Variants in GGT7 observed in about 807,000 individuals in gnomAD.
GGT7 encodes the protein gamma-glutamyltransferase 7.
In GGT7, 30 loss-of-function variants were observed where a neutral mutation model predicts 69.2. The observed-to-expected ratio is 0.43, with a 90% CI of 0.32 to 0.59. GGT7 has a LOEUF of 0.59. Ranked by LOEUF, GGT7 falls within the 20% of genes least tolerant of loss-of-function variation. The pLI is 0.05. For missense variants in GGT7, 733 were observed against 901.1 expected, an observed-to-expected ratio of 0.81 and a Z score of 2.39; for synonymous variants, 388 against 391.8, an observed-to-expected ratio of 0.99 and a Z score of 0.12.
At chr20:34,855,720 A>G (rs975163944) in intron 8 of GGT7, among the ~76,000 whole-genome samples, 1 of 152,160 alleles carries the variant, frequency 6.6e-6, no homozygotes, top group African/African-American at 2.4e-5. Flanking sequence ...TGTTCAAGGT[A>G]AATGGCACAG....
chr20:34,851,092 A>T, intron 13 of GGT7, 139 bp downstream of exon 13: 2 of 1,027,738 alleles, frequency 1.9e-6, no homozygotes, highest in South Asian at 2.7e-5. Flanking sequence ...ATTGCCCAGG[A>T]TGCGCCTGGC....
intron 7 of GGT7, among the ~76,000 whole-genome samples, chr20:34,859,044 C>T (rs943518975): frequency 2.6e-5 from 4 of 152,128 alleles, no homozygotes; most frequent in Non-Finnish European, 4.4e-5. Flanking sequence ...GTGGTGCACA[C>T]CTGTAATCCC....
At chr20:34,871,668 C>G (rs1298015527) in intron 1 of GGT7, among the ~76,000 whole-genome samples, 1 of 152,188 alleles carries the variant, frequency 6.6e-6, no homozygotes, top group Non-Finnish European at 1.5e-5. Flanking sequence ...TAGGGAAGGG[C>G]CAAGCCGGAA....
At chr20:34,846,290 C>T (rs1357029859) in intron 14 of GGT7, among the ~76,000 whole-genome samples, 3 of 117,468 alleles carry the variant, frequency 2.6e-5, no homozygotes, top group African/African-American at 7.3e-5. Context: ...CTCCCTCCCT[C>T]CCTTCCTTTC....
intron 6 of GGT7, 124 bp from the exon 7 acceptor site, chr20:34,859,763 T>A: frequency 1.1e-6 from 1 of 876,504 alleles, no homozygotes; most frequent in Non-Finnish European, 1.7e-6. Context: ...CCCAGGAGCC[T>A]GTTAAGTGCG....
Position 34,859,615 on chromosome 20 carries a change from G to A in GGT7, c.842C>T (p.Pro281Leu), listed in dbSNP as rs1301473433. ...CCGGAAGCGCTCGGACATGTTGGGTGGCAGCTGTTCAGCCAGGGCACGGGC... is the reference window on the plus strand; with the variant it reads ...CCGGAAGCGCTCGGACATGTTGGGTAGCAGCTGTTCAGCCAGGGCACGGGC... The part of the protein sequence containing the change: ...DLARALAEQL[P>L]PNMSERFRET... Residue 281 changes from proline to leucine, a missense_variant, in exon 7 of 15, where the codon CCA (proline) becomes CTA (leucine). Physicochemically the swap from Pro to Leu is moderately conservative, Grantham distance 98. Transcript: ENST00000336431. 1 of 1,599,170 alleles carries A rather than the reference G, an allele frequency of 6.3e-7. No homozygotes were observed. The highest frequency in any genetic ancestry group is 1.7e-5 in the Admixed American group (1 of 58,474).
chr20:34,846,081 A>G (rs894263619), intron 14 of GGT7, among the ~76,000 whole-genome samples: 14 of 148,020 alleles, frequency 9.5e-5, no homozygotes, highest in African/African-American at 3.2e-4. Flanking sequence ...AAGAAAAGAA[A>G]GAAAATGGAA....
Position 34,859,659 on chromosome 20 carries a change from G to A in GGT7, c.818-20C>T, listed in dbSNP as rs1320261175. ...CACGGGCTAGGGGCAGGGACGGGAG[G>A]CTGGGCAGGGCGGGACGCCAGGACT... On this transcript the variant is annotated intron_variant, in intron 6 of 14. Coordinates refer to ENST00000336431, the MANE Select transcript of GGT7 (RefSeq NM_178026.3). The A allele has an allele frequency of 1.9e-6, 3 of 1,559,998 alleles. No individual in the cohort carries two copies. The Admixed American group carries it at 5.5e-5, about 28-fold the overall frequency.
chr20:34,856,845 T>C lies in GGT7; in HGVS notation c.1063A>G (p.Ser355Gly). 1 of 1,612,450 alleles carries C rather than the reference T, an allele frequency of 6.2e-7. No individual in the cohort carries two copies. The highest frequency in any genetic ancestry group is 8.5e-7 in the Non-Finnish European group (1 of 1,178,750). ...VITEEDFSNY[S>G]ALVEKPVCGV... The stretch of plus-strand genomic sequence containing the variant: ...CACACAGGCTTCTCCACAAGGGCGC[T>C]GTAATTGCTGAAGTCCTCTTCGGTT... The change falls in exon 8 of 15, where the codon AGC (serine) becomes GGC (glycine). Residue 355 changes from serine to glycine, a missense_variant. By Grantham distance (56) the Ser-to-Gly change is moderately conservative. Coordinates refer to ENST00000336431, the MANE Select transcript of GGT7 (RefSeq NM_178026.3).
At chr20:34,856,525 C>T (rs2079493834) in intron 8 of GGT7, among the ~76,000 whole-genome samples, 1 of 152,284 alleles carries the variant, frequency 6.6e-6, no homozygotes, top group African/African-American at 2.4e-5. Flanking sequence ...CAACACAGAG[C>T]CCAAATCAAG....
chr20:34,845,846 G>A (rs2079296594), intron 14 of GGT7, among the ~76,000 whole-genome samples: 1 of 152,080 alleles, frequency 6.6e-6, no homozygotes, highest in African/African-American at 2.4e-5. Flanking sequence ...GATCACTTGA[G>A]CCCAGGAGTT....
rs368662663 is a variant in GGT7 at position 34,859,628 on chromosome 20, C to T, written c.829G>A (p.Ala277Thr). The T allele has an allele frequency of 6.9e-6, 11 of 1,596,018 alleles. No homozygotes were observed. The African/African-American group carries it at 1.3e-4, about 19-fold the overall frequency. Reference sequence around the variant, plus strand: ...GACATGTTGGGTGGCAGCTGTTCAGCCAGGGCACGGGCTAGGGGCAGGGAC... The same window carrying T: ...GACATGTTGGGTGGCAGCTGTTCAGTCAGGGCACGGGCTAGGGGCAGGGAC... ...NVTHDLARAL[A>T]EQLPPNMSER... Residue 277 changes from alanine to threonine, a missense_variant, in exon 7 of 15, where the codon GCT (alanine) becomes ACT (threonine). Ala to Thr is a moderately conservative substitution (Grantham distance 58). Transcript: ENST00000336431.
chr20:34,854,717 G>C, intron 9 of GGT7, 79 bp downstream of exon 9: 1 of 1,598,054 alleles, frequency 6.3e-7, no homozygotes, highest in Admixed American at 1.7e-5. Flanking sequence ...AGGGGATTTA[G>C]TCCTGCCCTA....
intron 1 of GGT7, among the ~76,000 whole-genome samples, chr20:34,864,170 G>A (rs556051889): frequency 2.9e-4 from 44 of 152,310 alleles, no homozygotes; most frequent in African/African-American, 1.1e-3. Context: ...GGTGGTAGGG[G>A]AGGGAGGATT....
At chr20:34,850,769 A>T (rs1022203690) in intron 13 of GGT7, 1 of 477,512 alleles carries the variant, frequency 2.1e-6, no homozygotes, top group South Asian at 1.5e-5. Context: ...AGAACTTAAG[A>T]TCGTTAACTC....
rs774636144 is a variant in GGT7 at position 34,852,279 on chromosome 20, G to C, written c.1470-7C>G. 1 of 1,608,998 alleles carries C rather than the reference G, an allele frequency of 6.2e-7. No individual in the cohort carries two copies. The highest frequency in any genetic ancestry group is 1.1e-5 in the South Asian group (1 of 90,978). Reference sequence around the variant, plus strand: ...AAAGGGCTGGTTCAGGGAGCTGGGGGCCGAGGTGGGGTTGGGTGAGCCCTG... The same window carrying C: ...AAAGGGCTGGTTCAGGGAGCTGGGGCCCGAGGTGGGGTTGGGTGAGCCCTG... On this transcript the variant is annotated splice_polypyrimidine_tract_variant and splice_region_variant and intron_variant, in intron 11 of 14. Coordinates refer to ENST00000336431, the MANE Select transcript of GGT7 (RefSeq NM_178026.3).
chr20:34,869,650 T>G (rs772121233), intron 1 of GGT7, among the ~76,000 whole-genome samples: 2 of 151,980 alleles, frequency 1.3e-5, no homozygotes, highest in African/African-American at 2.4e-5. Context: ...TGAGTAGGAA[T>G]TTGGAAGATA....
rs2079633342 is a variant in GGT7, at chr20:34,863,424, G to A, written c.294C>T (p.Ala98=). The A allele has an allele frequency of 1.9e-6, 3 of 1,613,558 alleles. No individual in the cohort carries two copies. Among genetic ancestry groups the A allele is most frequent in the Admixed American group, 1.7e-5 (1 of 60,000 alleles). Residue 98 remains alanine, a synonymous_variant, in exon 2 of 15, where the codon GCC becomes GCT. Transcript: ENST00000336431. The surrounding 1 kb of genome is among the most constrained non-coding windows in gnomAD (Gnocchi z 4.4). ...GCCCATCCTGGCGGCAGGAGCACTC[G>A]GCCGCTGCGGCGGAGAACGGGTCTT... The part of the protein sequence containing the change: ...TRKDPFSAAA[A]ECSCRQDGLT...
chr20:34,857,680 C>T (rs2079518516), intron 7 of GGT7, among the ~76,000 whole-genome samples: 1 of 146,748 alleles, frequency 6.8e-6, no homozygotes, highest in South Asian at 2.2e-4. Context: ...TGCAGTGGCA[C>T]GATCATGGCT....
Sources: allele counts gnomAD v4.1 joint callset (sites outside exome capture counted in the v4.1 genomes callset), GRCh38; gene constraint gnomAD v4.1.1; non-coding constraint Gnocchi (gnomAD v3.1); transcripts MANE v1.5; gene names NCBI Gene and HGNC (gene_info 2026-07-23, HGNC 2026-07-21).